NRF1: variants seen among roughly 807,000 people sequenced by gnomAD.
NRF1 encodes the protein nuclear respiratory factor 1.
NRF1 carries 5 observed loss-of-function variants against 58.5 expected under a neutral mutation model. That is an observed-to-expected ratio of 0.09 (90% confidence interval 0.04 to 0.18). The LOEUF (loss-of-function observed/expected upper bound fraction) is 0.18, where lower values mean the gene tolerates loss of function less well. NRF1 is among the 10% of genes least tolerant of loss of function. NRF1 has a pLI of 1.00. For missense variants in NRF1, 288 were observed against 657.7 expected, an observed-to-expected ratio of 0.44 and a Z score of 6.15; for synonymous variants, 224 against 246.7, an observed-to-expected ratio of 0.91 and a Z score of 0.86.
intron 5 of NRF1, among the ~76,000 whole-genome samples, chr7:129,693,655 G>A (rs1395052785): frequency 6.6e-6 from 1 of 151,952 alleles, no homozygotes; most frequent in African/African-American, 2.4e-5. Context: ...TGGACACCCC[G>A]ATCTAAACTT....
At chr7:129,617,219 A>G (rs1800676986) in intron 1 of NRF1, among the ~76,000 whole-genome samples, 1 of 152,244 alleles carries the variant, frequency 6.6e-6, no homozygotes, top group East Asian at 1.9e-4. Flanking sequence ...ATATTAAGAC[A>G]GTTTTTTTTA....
intron 3 of NRF1, among the ~76,000 whole-genome samples, chr7:129,673,646 G>A (rs531681605): frequency 3.3e-5 from 5 of 151,050 alleles, no homozygotes; most frequent in Admixed American, 6.6e-5. Flanking sequence ...GAACCCGGGA[G>A]GCGGAGCTTG....
intron 4 of NRF1, among the ~76,000 whole-genome samples, chr7:129,681,171 G>T (rs1382248217): frequency 6.6e-6 from 1 of 152,142 alleles, no homozygotes; most frequent in Non-Finnish European, 1.5e-5. Context: ...GCAAGGAGGG[G>T]GTCCGGAGCC....
intron 1 of NRF1, among the ~76,000 whole-genome samples, chr7:129,620,509 C>T (rs1341714764): frequency 6.6e-6 from 1 of 151,864 alleles, no homozygotes; most frequent in Non-Finnish European, 1.5e-5. Flanking sequence ...CTGCCTCAGC[C>T]TCCCAAGCAG....
chr7:129,700,071 G>T (rs1257735284), intron 5 of NRF1, among the ~76,000 whole-genome samples: 3 of 151,704 alleles, frequency 2.0e-5, no homozygotes, highest in African/African-American at 7.3e-5. Context: ...AACCTAGGAG[G>T]TGGAGGTTGC....
chr7:129,695,883 T>A, intron 5 of NRF1, among the ~76,000 whole-genome samples: 1 of 151,220 alleles, frequency 6.6e-6, no homozygotes. Flanking sequence ...ATAATAGAAA[T>A]ACAAAAAACT....
At chr7:129,727,823 G>A (rs1803484331) in intron 10 of NRF1, among the ~76,000 whole-genome samples, 1 of 152,174 alleles carries the variant, frequency 6.6e-6, no homozygotes, top group Non-Finnish European at 1.5e-5. Flanking sequence ...AGGCTGTGAT[G>A]CCGGTGCCTC....
chr7:129,655,167 A>G (rs1214043746), intron 1 of NRF1, among the ~76,000 whole-genome samples: 2 of 151,854 alleles, frequency 1.3e-5, no homozygotes, highest in Non-Finnish European at 2.9e-5. Flanking sequence ...GATCTTGTAC[A>G]TATTTTGTTA....
chr7:129,653,671 T>G (rs1476819717), intron 1 of NRF1, among the ~76,000 whole-genome samples: 2 of 152,190 alleles, frequency 1.3e-5, no homozygotes, highest in Non-Finnish European at 2.9e-5. Flanking sequence ...CAACCTCTAA[T>G]CTTTTTACCG....
chr7:129,742,878 T>G (rs933143521), intron 10 of NRF1, among the ~76,000 whole-genome samples: 1 of 152,176 alleles, frequency 6.6e-6, no homozygotes, highest in African/African-American at 2.4e-5. Flanking sequence ...TGGCCACATT[T>G]CAAGCACTCT....
intron 3 of NRF1, among the ~76,000 whole-genome samples, chr7:129,673,609 C>T (rs1178992393): frequency 1.4e-5 from 2 of 144,178 alleles, no homozygotes; most frequent in African/African-American, 2.6e-5. Flanking sequence ...CCCAGCTACT[C>T]GGGAGGCTGA....
intron 10 of NRF1, among the ~76,000 whole-genome samples, chr7:129,752,651 A>G (rs1744907448): frequency 6.6e-6 from 1 of 152,220 alleles, no homozygotes; most frequent in African/African-American, 2.4e-5. Flanking sequence ...CAGGAGTTCA[A>G]GACCAACCTG....
chr7:129,693,948 C>T (rs181485400), intron 5 of NRF1, among the ~76,000 whole-genome samples: 2 of 152,164 alleles, frequency 1.3e-5, no homozygotes, highest in East Asian at 3.9e-4. Flanking sequence ...GGATTGGCCA[C>T]AAAAGTCAGC....
rs147058773 is a variant in NRF1, at chr7:129,693,987, G to T, written c.606+3441G>T. On this transcript the variant is annotated intron_variant, in intron 5 of 10. Coordinates refer to ENST00000393232, the MANE Select transcript of NRF1 (RefSeq NM_005011.5). ...CAGTTTAGTTATTATCATTTTGGAG[G>T]TAAGACATTTGAAAGTGTTGTTTTC... Among the ~76,000 whole-genome samples, 149 of 152,218 alleles carry T rather than the reference G, an allele frequency of 9.8e-4. 2 individuals are homozygous for T. The highest frequency in any genetic ancestry group is 1.4e-3 in the Non-Finnish European group (95 of 68,026).
At chr7:129,705,161 C>T (rs1473961697) in intron 5 of NRF1, among the ~76,000 whole-genome samples, 1 of 152,078 alleles carries the variant, frequency 6.6e-6, no homozygotes, top group African/African-American at 2.4e-5. Flanking sequence ...AATAAAACTT[C>T]TATTAATTAA....
At chr7:129,627,928 A>ATC (rs1800955839) in intron 1 of NRF1, among the ~76,000 whole-genome samples, 2 of 152,060 alleles carry the variant, frequency 1.3e-5, no homozygotes, top group Non-Finnish European at 2.9e-5. Context: ...CTAGTTTAGG[A>ATC]AGAGCAGGAA....
In NRF1 at chr7:129,677,617, C is replaced by T. The variant is rs769804181; in HGVS notation, c.339-15C>T. On this transcript the variant is annotated splice_polypyrimidine_tract_variant and intron_variant, in intron 3 of 10. Coordinates refer to ENST00000393232, the MANE Select transcript of NRF1 (RefSeq NM_005011.5). ...TTTTTAAAACTTTTTATTCTTGTTT[C>T]CTTTTCTGATTCAGGAAACTTCGAG... 6.2e-7 allele frequency: 1 copy of T among 1,612,466 alleles called. No individual in the cohort carries two copies. Among genetic ancestry groups the T allele is most frequent in the Non-Finnish European group, 8.5e-7 (1 of 1,179,466 alleles).
chr7:129,628,444 A>T (rs117387048), intron 1 of NRF1, among the ~76,000 whole-genome samples: 2,872 of 152,300 alleles, frequency 0.019, 35 homozygotes, highest in South Asian at 0.037. Context: ...TGCTTAATTT[A>T]AAAAATAACC....
intron 2 of NRF1, among the ~76,000 whole-genome samples, chr7:129,667,774 TATTTATTTATTA>T (rs1562964963): frequency 7.7e-6 from 1 of 129,668 alleles, no homozygotes; most frequent in Non-Finnish European, 1.6e-5. Flanking sequence ...TTTATTTATT[TATTTATTTATTA>T]GAGATAGGAT....
Sources: gnomAD v4.1 joint callset for allele counts (sites outside exome capture counted in the v4.1 genomes callset) on GRCh38, gnomAD v4.1.1 for gene constraint, MANE v1.5 for transcripts, NCBI Gene and HGNC (gene_info 2026-07-23, HGNC 2026-07-21) for gene names.